DPYD: variants seen among roughly 807,000 people sequenced by gnomAD.
DPYD encodes the protein dihydropyrimidine dehydrogenase, also known as dihydropyrimidine dehydrogenase [NADP(+)].
DPYD carries 109 observed loss-of-function variants against 116.2 expected under a neutral mutation model. The observed-to-expected ratio is 0.94, with a 90% CI of 0.80 to 1.10. The LOEUF (loss-of-function observed/expected upper bound fraction) is 1.10, where lower values mean the gene tolerates loss of function less well. Ranked by LOEUF, DPYD falls within the 50% of genes least tolerant of loss-of-function variation. The pLI is 0.00. For synonymous variants in DPYD, 440 were observed against 432.0 expected, an observed-to-expected ratio of 1.02 and a Z score of -0.23; for missense variants, 1,302 against 1,254.5, an observed-to-expected ratio of 1.04 and a Z score of -0.57.
At chr1:97,842,208 G>A (rs1180493515) in intron 2 of DPYD, among the ~76,000 whole-genome samples, 7 of 151,768 alleles carry the variant, frequency 4.6e-5, no homozygotes, top group African/African-American at 1.4e-4. Context: ...CAACTTTGGC[G>A]ATATATAAAG....
chr1:97,119,221 C>T (rs1652229537), intron 20 of DPYD, among the ~76,000 whole-genome samples: 1 of 152,148 alleles, frequency 6.6e-6, no homozygotes. Flanking sequence ...AATTTTTAGG[C>T]CATCTACAAT....
chr1:97,217,394 T>C (rs998750811), intron 19 of DPYD, among the ~76,000 whole-genome samples: 1 of 152,188 alleles, frequency 6.6e-6, no homozygotes, highest in African/African-American at 2.4e-5. Context: ...AGAGATAGTC[T>C]GACAGTAATT....
chr1:97,496,296 C>T (rs1271569347), intron 13 of DPYD, among the ~76,000 whole-genome samples: 1 of 151,968 alleles, frequency 6.6e-6, no homozygotes, highest in African/African-American at 2.4e-5. Flanking sequence ...GAATTTAGGG[C>T]CTTATATTCC....
chr1:97,185,688 G>A (rs989685744), intron 20 of DPYD, among the ~76,000 whole-genome samples: 1 of 152,146 alleles, frequency 6.6e-6, no homozygotes, highest in Admixed American at 6.6e-5. Context: ...TAATATTATA[G>A]TGAGTGAAAG....
rs569343146 is a variant in DPYD at position 97,355,570 on chromosome 1, C to T, written c.2058+17991G>A. 1.8e-4 allele frequency among the ~76,000 whole-genome samples: 27 copies of T among 152,278 alleles called. No homozygotes were observed. In the South Asian group the frequency reaches 5.4e-3, roughly 30 times the overall value. On this transcript the variant is annotated intron_variant, in intron 16 of 22. Transcript: ENST00000370192. The stretch of plus-strand genomic sequence containing the variant: ...CTCCTCCCTATTCTTTGACCATCTT[C>T]TCCCTATTCTCCCCACCCCGAGCTT...
chr1:97,268,261 G>C (rs754760450), intron 18 of DPYD, among the ~76,000 whole-genome samples: 4 of 152,064 alleles, frequency 2.6e-5, no homozygotes, highest in Middle Eastern at 3.2e-3. Context: ...ACAATTTGGC[G>C]TCTTATGCCC....
At chr1:97,745,060 T>C (rs115413182) in intron 3 of DPYD, among the ~76,000 whole-genome samples, 2,561 of 152,152 alleles carry the variant, frequency 0.017, 82 homozygotes, top group Admixed American at 0.09. Flanking sequence ...TGCCTATTTA[T>C]ACCTCTGTGC....
chr1:97,843,419 G>C (rs889072875), intron 2 of DPYD, among the ~76,000 whole-genome samples: 1 of 152,092 alleles, frequency 6.6e-6, no homozygotes, highest in African/African-American at 2.4e-5. Flanking sequence ...TAGGCAACAG[G>C]ATTTTATCTT....
At chr1:97,549,887 A>C (rs1651192682) in intron 11 of DPYD, 143 bp from the exon 12 acceptor site, 2 of 794,438 alleles carry the variant, frequency 2.5e-6, no homozygotes, top group Non-Finnish European at 3.9e-6. Context: ...TAAAAATGAA[A>C]AGCTAACGAA....
intron 18 of DPYD, among the ~76,000 whole-genome samples, chr1:97,241,529 T>C (rs1570741564): frequency 6.6e-6 from 1 of 151,996 alleles, no homozygotes; most frequent in Admixed American, 6.6e-5. Context: ...AAAGTTCCCA[T>C]TTTCAGTTAT....
intron 11 of DPYD, among the ~76,000 whole-genome samples, chr1:97,553,382 C>T (rs930880166): frequency 6.6e-6 from 1 of 151,868 alleles, no homozygotes; most frequent in Non-Finnish European, 1.5e-5. Context: ...GAAAGGAATT[C>T]ATTTATTTAG....
intron 14 of DPYD, among the ~76,000 whole-genome samples, chr1:97,402,885 T>G (rs1673448636): frequency 1.3e-5 from 2 of 151,852 alleles, no homozygotes; most frequent in Admixed American, 6.6e-5. Context: ...TTTTTCTTTT[T>G]TAGTCTGTTG....
chr1:97,234,760 C>G lies in DPYD; in HGVS notation c.2442+92G>C. On this transcript the variant is annotated intron_variant, in intron 19 of 22. Transcript: ENST00000370192. ...CAAATGGCCTCCTTTTCAAGAGGCC[C>G]AAAAACGAATCTATTTTTTTTTTGT... 1.9e-6 allele frequency: 3 copies of G among 1,542,672 alleles called. No individual in the cohort carries two copies. The Admixed American group carries it at 5.6e-5, about 29-fold the overall frequency.
chr1:97,150,860 T>G (rs762756889), intron 20 of DPYD, among the ~76,000 whole-genome samples: 26 of 152,222 alleles, frequency 1.7e-4, no homozygotes, highest in Non-Finnish European at 3.5e-4. Context: ...TAGAATATAT[T>G]GCATCTTCCT....
chr1:97,092,651 T>C (rs1377563637), intron 21 of DPYD, among the ~76,000 whole-genome samples: 1 of 152,134 alleles, frequency 6.6e-6, no homozygotes, highest in Non-Finnish European at 1.5e-5. Flanking sequence ...ATGTCAGCTC[T>C]TTCTCCTTTA....
At chr1:97,489,960 A>G (rs1376884470) in intron 13 of DPYD, among the ~76,000 whole-genome samples, 1 of 152,166 alleles carries the variant, frequency 6.6e-6, no homozygotes, top group Non-Finnish European at 1.5e-5. Flanking sequence ...AGGCTAAGAA[A>G]TGTATTTAGT....
chr1:97,723,906 T>C (rs1663062537), intron 4 of DPYD, among the ~76,000 whole-genome samples: 1 of 151,636 alleles, frequency 6.6e-6, no homozygotes. Context: ...CGGTGAATTG[T>C]ATAAAACATA....
At chr1:97,143,077 T>A (rs1654347932) in intron 20 of DPYD, among the ~76,000 whole-genome samples, 1 of 152,082 alleles carries the variant, frequency 6.6e-6, no homozygotes, top group Non-Finnish European at 1.5e-5. Context: ...AATGCATGCT[T>A]TTTTTAAATA....
intron 18 of DPYD, among the ~76,000 whole-genome samples, chr1:97,291,305 A>T (rs1666150508): frequency 1.3e-5 from 2 of 152,220 alleles, no homozygotes; most frequent in Non-Finnish European, 2.9e-5. Context: ...TAGAACTAGA[A>T]ATACCATTTG....
Sources: gnomAD v4.1 joint callset for allele counts (sites outside exome capture counted in the v4.1 genomes callset) on GRCh38, gnomAD v4.1.1 for gene constraint, MANE v1.5 for transcripts, NCBI Gene and HGNC (gene_info 2026-07-23, HGNC 2026-07-21) for gene names.